TF: variants seen among roughly 807,000 people sequenced by gnomAD.
TF encodes the protein serotransferrin.
A neutral mutation model predicts 82.4 loss-of-function variants in TF; 55 were observed. The observed-to-expected ratio is 0.67, with a 90% CI of 0.54 to 0.84. The LOEUF is 0.84. TF is among the 40% of genes least tolerant of loss of function. The pLI, the probability that TF is intolerant of heterozygous loss-of-function variation, is 0.00. For synonymous variants in TF, 332 were observed against 332.6 expected (o/e 1.00, Z 0.02); for missense variants, 737 against 868.4 (o/e 0.85, Z 1.90).
At chr3:133,757,531 G>A (rs1482253704) in intron 7 of TF, among the ~76,000 whole-genome samples, 3 of 152,300 alleles carry the variant, frequency 2.0e-5, no homozygotes, top group Non-Finnish European at 4.4e-5. Context: ...TGTTCTCACC[G>A]ATGTCTCAAC....
At chr3:133,679,592 T>TTTTTTC in the TF span, among the ~76,000 whole-genome samples, 3 of 149,624 alleles carry the variant, frequency 2.0e-5, no homozygotes, top group African/African-American at 7.4e-5. Context: ...TTTTTTTTTT[T>TTTTTTC]TACTCAGCAT....
the TF span, among the ~76,000 whole-genome samples, chr3:133,740,652 A>G: frequency 2.0e-5 from 3 of 152,088 alleles, no homozygotes; most frequent in African/African-American, 7.2e-5. Context: ...TTCTTTTACA[A>G]ACTTTAGAAT....
Position 133,775,573 on chromosome 3 carries a change from A to G in TF, c.1828A>G (p.Lys610Glu). The G allele has an allele frequency of 6.2e-7, 1 of 1,614,246 alleles. No individual in the cohort carries two copies. The highest frequency in any genetic ancestry group is 8.5e-7 in the Non-Finnish European group (1 of 1,180,034). ...CCCGAATCACGCTGTGGTCACACGG[A>G]AAGATAAGGAAGCTTGCGTCCACAA... Reference protein sequence around the residue: ...RAPNHAVVTRKDKEACVHKIL... With the variant: ...RAPNHAVVTREDKEACVHKIL... The change falls in exon 15 of 17, where the codon AAA (lysine) becomes GAA (glutamate). Residue 610 changes from lysine to glutamate, a missense_variant. Transcript: ENST00000402696.
At chr3:133,725,805 G>A in the TF span, among the ~76,000 whole-genome samples, 1 of 152,008 alleles carries the variant, frequency 6.6e-6, no homozygotes, top group African/African-American at 2.4e-5. Context: ...GTCATAGATA[G>A]CTCTTATTAT....
the TF span, among the ~76,000 whole-genome samples, chr3:133,676,819 T>C: frequency 6.6e-6 from 1 of 152,242 alleles, no homozygotes; most frequent in African/African-American, 2.4e-5. Context: ...GTCCTGGCAA[T>C]GTCAGGCTCT....
At chr3:133,758,887 G>A (rs1228301766) in intron 8 of TF, among the ~76,000 whole-genome samples, 1 of 152,140 alleles carries the variant, frequency 6.6e-6, no homozygotes, top group Non-Finnish European at 1.5e-5. Context: ...GTAGTTAAGT[G>A]CTATCTGAAA....
the TF span, among the ~76,000 whole-genome samples, chr3:133,710,843 T>C: frequency 1.3e-5 from 2 of 152,174 alleles, no homozygotes; most frequent in Non-Finnish European, 2.9e-5. Flanking sequence ...CTCCTCCTCT[T>C]TAAGGCCAGA....
intron 11 of TF, among the ~76,000 whole-genome samples, chr3:133,765,400 C>T (rs1934103070): frequency 6.6e-6 from 1 of 152,186 alleles, no homozygotes; most frequent in South Asian, 2.1e-4. Context: ...GGTCCAGGAA[C>T]CCAGGCCAAC....
chr3:133,723,581 G>A, the TF span, among the ~76,000 whole-genome samples: 1 of 144,014 alleles, frequency 6.9e-6, no homozygotes, highest in Non-Finnish European at 1.5e-5. Flanking sequence ...GCACTTAATT[G>A]TATTATTTTA....
rs1934515102 is a variant in TF at position 133,781,460 on chromosome 3, A to G, written c.*2840A>G. On this transcript the variant is annotated 3_prime_UTR_variant, in exon 17 of 17. Coordinates refer to ENST00000402696, the MANE Select transcript of TF (RefSeq NM_001063.4). ...AGTTAGGACAATAATAATTAACAAGAATAAATAAAATGTATCATTTAGTAA... is the reference window on the plus strand; with the variant it reads ...AGTTAGGACAATAATAATTAACAAGGATAAATAAAATGTATCATTTAGTAA... 6.6e-6 allele frequency: 1 copy of G among 152,176 alleles called. No individual in the cohort carries two copies. The allele number at this position is 152,176 out of a possible 1,614,324, so 9.4% of individuals were successfully genotyped here.
chr3:133,755,833 C>G, intron 5 of TF: 1 of 458,076 alleles, frequency 2.2e-6, no homozygotes, highest in Non-Finnish European at 4.0e-6. Flanking sequence ...GGGACTGGCC[C>G]TCTTCCCTCA....
the TF span, chr3:133,662,251 C>T: frequency 6.6e-6 from 1 of 152,204 alleles, no homozygotes; most frequent in Non-Finnish European, 1.5e-5. Flanking sequence ...TGTCTTATAC[C>T]AGGCATGCAC....
At chr3:133,746,309 T>C (rs1287985576), upstream of TF, 2 of 1,063,538 alleles carry the variant, frequency 1.9e-6, no homozygotes, top group Non-Finnish European at 1.4e-6. Context: ...GCAACCCGGC[T>C]GCACAAACAC....
intron 1 of TF, 46 bp downstream of exon 1, chr3:133,746,529 G>A: frequency 1.9e-6 from 3 of 1,566,446 alleles, no homozygotes; most frequent in Non-Finnish European, 1.7e-6. Context: ...TGGCCCGCGC[G>A]TTCCCTGCAA....
chr3:133,758,077 C>A, intron 8 of TF, 131 bp downstream of exon 8: 2 of 838,672 alleles, frequency 2.4e-6, no homozygotes, highest in Non-Finnish European at 3.8e-6. Context: ...TGTCTGTGAG[C>A]CCAGTGTTAG....
chr3:133,781,574 T>A lies in TF; in HGVS notation c.*2954T>A, dbSNP rs921561345. 6.6e-6 allele frequency: 1 copy of A among 152,130 alleles called. No homozygotes were observed. The highest frequency in any genetic ancestry group is 1.5e-5 in the Non-Finnish European group (1 of 68,024). 9.4% of individuals were successfully genotyped at this position (152,130 alleles called of 1,614,324 possible). ...TGCTTTGGATAGGAAGACTCAGTAT[T>A]GTAAAGATGTCAATTCTCCCTAAAT... On this transcript the variant is annotated 3_prime_UTR_variant, in exon 17 of 17. Transcript: ENST00000402696.
At chr3:133,679,989 A>T in the TF span, among the ~76,000 whole-genome samples, 2 of 152,122 alleles carry the variant, frequency 1.3e-5, no homozygotes, top group Non-Finnish European at 2.9e-5. Flanking sequence ...TCTAATAGGT[A>T]TGCATTCTAA....
At chr3:133,670,169 A>G in the TF span, among the ~76,000 whole-genome samples, 5 of 152,236 alleles carry the variant, frequency 3.3e-5, no homozygotes, top group South Asian at 6.2e-4. Context: ...CCTACTAGCT[A>G]CCTGACCTTG....
intron 8 of TF, among the ~76,000 whole-genome samples, chr3:133,758,836 C>T (rs1007273354): frequency 2.0e-5 from 3 of 152,054 alleles, no homozygotes; most frequent in Admixed American, 2.0e-4. Flanking sequence ...CTGCAGAAAA[C>T]CTGACAATAA....
Sources: allele counts gnomAD v4.1 joint callset (sites outside exome capture counted in the v4.1 genomes callset), GRCh38; gene constraint gnomAD v4.1.1; transcripts MANE v1.5; gene names NCBI Gene and HGNC (gene_info 2026-07-23, HGNC 2026-07-21).